CRACR2A: variants seen among roughly 807,000 people sequenced by gnomAD.
CRACR2A encodes the protein EF-hand calcium-binding domain-containing protein 4B.
CRACR2A carries 79 observed loss-of-function variants against 90.5 expected under a neutral mutation model. That is an observed-to-expected ratio of 0.87 (90% CI 0.73 to 1.05). CRACR2A has a LOEUF of 1.05. CRACR2A is among the 50% of genes least tolerant of loss of function. The pLI, the probability that CRACR2A is intolerant of heterozygous loss-of-function variation, is 0.00. For synonymous variants in CRACR2A, 338 were observed against 356.7 expected, an observed-to-expected ratio of 0.95 and a Z score of 0.59; for missense variants, 823 against 897.2, an observed-to-expected ratio of 0.92 and a Z score of 1.06.
rs775967785 is a variant in CRACR2A, at chr12:3,615,331, G to T, written c.*24C>A. The T allele has an allele frequency of 1.3e-6, 2 of 1,547,600 alleles. No individual in the cohort carries two copies. The highest frequency in any genetic ancestry group is 1.7e-6 in the Non-Finnish European group (2 of 1,143,340). ...CAGGCTCTGTGACCTCAGGTTTGCT[G>T]GGGGCAGTCCTTGTAGGACCCTATC... is the stretch of plus-strand genomic sequence containing the variant. On this transcript the variant is annotated 3_prime_UTR_variant, in exon 20 of 20. Coordinates refer to ENST00000440314, the MANE Select transcript of CRACR2A (RefSeq NM_001144958.2).
rs980253284 is a variant in CRACR2A, at chr12:3,673,650, A to C, written c.525-58T>G. 3.8e-6 allele frequency: 6 copies of C among 1,579,412 alleles called. No homozygotes were observed. The Admixed American group carries it at 1.1e-4, about 29-fold the overall frequency. Reference sequence around the variant, plus strand: ...GGAGATGAGGCTTCACGGGAAATACAGAGGTTCCCAGACAGGAAACTGACA... The same window carrying C: ...GGAGATGAGGCTTCACGGGAAATACCGAGGTTCCCAGACAGGAAACTGACA... On this transcript the variant is annotated intron_variant, in intron 6 of 19. Transcript: ENST00000440314.
At chr12:3,665,896 C>T (rs2137534612) in intron 7 of CRACR2A, among the ~76,000 whole-genome samples, 1 of 152,332 alleles carries the variant, frequency 6.6e-6, no homozygotes, top group East Asian at 1.9e-4. Context: ...TGAAGTTATA[C>T]TCTCTGTGTA....
intron 10 of CRACR2A, among the ~76,000 whole-genome samples, chr12:3,649,704 A>G (rs1944760355): frequency 6.6e-6 from 1 of 152,158 alleles, no homozygotes; most frequent in Non-Finnish European, 1.5e-5. Context: ...GTTTGTTTAC[A>G]TCGATACCCT....
chr12:3,681,664 C>T (rs1312428535), intron 4 of CRACR2A, among the ~76,000 whole-genome samples: 1 of 152,218 alleles, frequency 6.6e-6, no homozygotes, highest in East Asian at 1.9e-4. Context: ...AAGTGACTGA[C>T]AGCTGAAAAC....
chr12:3,623,173 G>A (rs971379402), intron 17 of CRACR2A, among the ~76,000 whole-genome samples: 1 of 152,206 alleles, frequency 6.6e-6, no homozygotes, highest in Non-Finnish European at 1.5e-5. Flanking sequence ...CTTCTAGATC[G>A]GGTGGTGCTG....
intron 2 of CRACR2A, chr12:3,731,593 T>C (rs1383463968): frequency 6.6e-6 from 1 of 152,208 alleles, no homozygotes; most frequent in Non-Finnish European, 1.5e-5. Context: ...CCTAGTCTTG[T>C]CACTGTGAAT....
intron 6 of CRACR2A, among the ~76,000 whole-genome samples, chr12:3,674,370 G>T (rs571382803): frequency 1.4e-4 from 22 of 152,302 alleles, no homozygotes; most frequent in African/African-American, 5.1e-4. Context: ...TGTGTACACA[G>T]CTCAGTGACA....
chr12:3,720,464 A>AAAGAAAGAAAGAAAGAAAGC (rs1478961662), intron 2 of CRACR2A, among the ~76,000 whole-genome samples: 264 of 150,868 alleles, frequency 1.7e-3, no homozygotes, highest in South Asian at 6.7e-3. Flanking sequence ...AGAAAGAAAG[A>AAAGAAAGAAAGAAAGAAAGC]AAGCAAAAGA....
At chr12:3,625,569 G>C (rs1246852720) in intron 17 of CRACR2A, among the ~76,000 whole-genome samples, 1 of 149,300 alleles carries the variant, frequency 6.7e-6, no homozygotes, top group African/African-American at 2.5e-5. Flanking sequence ...GGTGACCCTG[G>C]AGAAGTTAGG....
At chr12:3,712,072 G>C (rs1946013120) in intron 3 of CRACR2A, among the ~76,000 whole-genome samples, 1 of 152,218 alleles carries the variant, frequency 6.6e-6, no homozygotes, top group South Asian at 2.1e-4. Flanking sequence ...CAAACCCCTA[G>C]TCTTCATTCC....
chr12:3,625,462 A>G (rs1200587398), intron 17 of CRACR2A, among the ~76,000 whole-genome samples: 1 of 151,432 alleles, frequency 6.6e-6, no homozygotes, highest in East Asian at 1.9e-4. Context: ...ATTTGTCACC[A>G]TCCATTCCCA....
chr12:3,719,383 C>G (rs1212792078), intron 2 of CRACR2A, among the ~76,000 whole-genome samples: 1 of 152,214 alleles, frequency 6.6e-6, no homozygotes, highest in Non-Finnish European at 1.5e-5. Context: ...TCACCAGATC[C>G]TGTCCATTTC....
intron 8 of CRACR2A, among the ~76,000 whole-genome samples, chr12:3,658,031 T>C (rs1944949130): frequency 6.6e-6 from 1 of 152,178 alleles, no homozygotes; most frequent in South Asian, 2.1e-4. Flanking sequence ...GGCTTAATAG[T>C]GCTGCAAAAA....
chr12:3,668,280 G>A (rs1945182467), intron 7 of CRACR2A, among the ~76,000 whole-genome samples: 1 of 152,168 alleles, frequency 6.6e-6, no homozygotes. Context: ...ACCTTTTGCT[G>A]GCTGACTGAT....
chr12:3,644,660 A>C lies in CRACR2A; in HGVS notation c.1119-20T>G. 4 of 1,551,486 alleles carry C rather than the reference A, an allele frequency of 2.6e-6. No homozygotes were observed. Among genetic ancestry groups the C allele is most frequent in the Non-Finnish European group, 3.5e-6 (4 of 1,146,834 alleles). On this transcript the variant is annotated intron_variant, in intron 11 of 19. Coordinates refer to ENST00000440314, the MANE Select transcript of CRACR2A (RefSeq NM_001144958.2). ...CTTTCCCTGTGGATGGTAAAGGGGA[A>C]TCTATTCAAACATGGAGTTTGCAGT...
intron 4 of CRACR2A, among the ~76,000 whole-genome samples, chr12:3,694,442 T>G (rs17780653): frequency 0.14 from 21,121 of 152,210 alleles, 1,650 homozygotes; most frequent in Admixed American, 0.22. Context: ...GTTCTTTCCC[T>G]TCCAGTTCCC....
At chr12:3,718,763 T>G (rs1339644270) in intron 2 of CRACR2A, among the ~76,000 whole-genome samples, 1 of 152,206 alleles carries the variant, frequency 6.6e-6, no homozygotes. Context: ...GCATTTCTGA[T>G]GTGCAGCGCT....
Position 3,717,562 on chromosome 12 carries a change from C to T in CRACR2A, c.-117-4245G>A, listed in dbSNP as rs904474710. Among the ~76,000 whole-genome samples, 3 of 152,162 alleles carry T rather than the reference C, an allele frequency of 2.0e-5. No individual in the cohort carries two copies. The East Asian group carries it at 5.8e-4, about 29-fold the overall frequency. The stretch of plus-strand genomic sequence containing the variant: ...GGACACACCACCGACTGAACGATAA[C>T]AACAGCAATAACCATAAAATGATGA... On this transcript the variant is annotated intron_variant, in intron 2 of 19. Coordinates refer to ENST00000440314, the MANE Select transcript of CRACR2A (RefSeq NM_001144958.2).
intron 12 of CRACR2A, among the ~76,000 whole-genome samples, chr12:3,643,932 T>A (rs1431797068): frequency 2.5e-4 from 29 of 117,892 alleles, no homozygotes; most frequent in African/African-American, 8.8e-4. Context: ...TATATATATA[T>A]AAACTGCAGA....
Sources: allele counts gnomAD v4.1 joint callset (sites outside exome capture counted in the v4.1 genomes callset), GRCh38; gene constraint gnomAD v4.1.1; transcripts MANE v1.5; gene names NCBI Gene and HGNC (gene_info 2026-07-23, HGNC 2026-07-21).